The following SEPTIN11 variants were observed in gnomAD, a reference collection of about 807,000 sequenced individuals.
SEPTIN11 encodes septin 11, also known as septin-11.
A neutral mutation model predicts 51.4 loss-of-function variants in SEPTIN11; 25 were observed. The ratio of observed to expected loss-of-function variants is 0.49; its 90% CI spans 0.35 to 0.68. SEPTIN11 has a LOEUF of 0.68. SEPTIN11 is among the 30% of genes least tolerant of loss of function. SEPTIN11 has a pLI of 0.00. For missense variants in SEPTIN11, 381 were observed against 520.8 expected (o/e 0.73, Z 2.61); for synonymous variants, 174 against 184.1 (o/e 0.95, Z 0.44).
At chr4:77,034,387 A>G in intron 9 of SEPTIN11, 110 bp from the exon 10 acceptor site, 1 of 947,596 alleles carries the variant, frequency 1.1e-6, no homozygotes, top group South Asian at 2.8e-5. Context: ...TTCCATAATC[A>G]TTGCATGAGC....
At position 77,011,859 on chromosome 4, in the gene SEPTIN11, G is replaced by T; in HGVS notation, c.463G>T (p.Ala155Ser). The change falls in exon 4 of 10, where the codon GCC becomes TCC. Residue 155 changes from alanine to serine, a missense_variant. This residue lies in a region of SEPTIN11 where 184 missense variants were observed against 207.7 expected (regional missense o/e 0.89). Coordinates refer to ENST00000264893, the MANE Select transcript of SEPTIN11 (RefSeq NM_018243.4). ...GATCCATGCCTGCCTCTACTTTATT[G>T]CCCCTACTGGACATTCACTAAAGTC... ...TRIHACLYFIAPTGHSLKSLD... is the reference protein window; with the variant it reads ...TRIHACLYFISPTGHSLKSLD... 6.2e-7 allele frequency: 1 copy of T among 1,613,992 alleles called. No individual in the cohort carries two copies. The highest frequency in any genetic ancestry group is 1.6e-4 in the Middle Eastern group (1 of 6,062).
At position 76,984,699 on chromosome 4, in the gene SEPTIN11, A is replaced by G. The variant is rs1048925888; in HGVS notation, c.28-11726A>G. Among the ~76,000 whole-genome samples the G allele has an allele frequency of 9.9e-5, 15 of 152,192 alleles. No individual in the cohort carries two copies. The highest frequency in any genetic ancestry group is 3.6e-4 in the African/African-American group (15 of 41,434). ...CGTCACTGTTTTGAAGATATTCCATAGGATAAAGACAGGGCAGGAGGGACA... is the reference window on the plus strand; with the variant it reads ...CGTCACTGTTTTGAAGATATTCCATGGGATAAAGACAGGGCAGGAGGGACA... On this transcript the variant is annotated intron_variant, in intron 1 of 9. Coordinates refer to ENST00000264893, the MANE Select transcript of SEPTIN11 (RefSeq NM_018243.4). This position sits in a 1 kb window ranked among gnomAD's most constrained non-coding sequence, Gnocchi z 4.1.
At chr4:76,990,699 C>G (rs1723331359) in intron 1 of SEPTIN11, among the ~76,000 whole-genome samples, 1 of 152,220 alleles carries the variant, frequency 6.6e-6, no homozygotes, top group African/African-American at 2.4e-5. Context: ...GAAAAATGGT[C>G]TTCCACAAAC....
intron 3 of SEPTIN11, among the ~76,000 whole-genome samples, chr4:77,007,492 C>T (rs1724566078): frequency 6.6e-6 from 1 of 152,212 alleles, no homozygotes; most frequent in African/African-American, 2.4e-5. Context: ...TTTTGCCTCT[C>T]CCCTAAACTG....
chr4:77,002,303 C>T (rs918865743), intron 2 of SEPTIN11, among the ~76,000 whole-genome samples: 1 of 152,172 alleles, frequency 6.6e-6, no homozygotes, highest in Non-Finnish European at 1.5e-5. Flanking sequence ...TCCTGATTCA[C>T]ATGGGTGCTT....
chr4:77,038,748 G>C (rs1284093589), downstream of SEPTIN11: 2 of 682,906 alleles, frequency 2.9e-6, no homozygotes, highest in Admixed American at 5.1e-5. Flanking sequence ...TCAAATGGCT[G>C]CCGTCTGGGT....
chr4:77,037,180 G>A lies in SEPTIN11; in HGVS notation c.*2668G>A, dbSNP rs557211338. The A allele has an allele frequency of 2.3e-5, 15 of 660,202 alleles. No homozygotes were observed. In the East Asian group the frequency reaches 9.1e-4, roughly 40 times the overall value. The allele number at this position is 660,202 out of a possible 1,614,324, so 40.9% of individuals were successfully genotyped here. ...AGTTCAAGACCACCTTGGCGAACAC[G>A]GTGAAACCCCGTCTCTACAAAAAAT... On this transcript the variant is annotated 3_prime_UTR_variant, in exon 10 of 10. Coordinates refer to ENST00000264893, the MANE Select transcript of SEPTIN11 (RefSeq NM_018243.4).
intron 1 of SEPTIN11, among the ~76,000 whole-genome samples, chr4:76,981,969 C>A (rs6822843): frequency 0.066 from 9,981 of 152,156 alleles, 642 homozygotes; most frequent in African/African-American, 0.16. Context: ...TTCTAGATCT[C>A]TCCCCCAAGT....
intron 1 of SEPTIN11, among the ~76,000 whole-genome samples, chr4:76,979,518 C>G (rs1456979264): frequency 6.6e-6 from 1 of 152,160 alleles, no homozygotes; most frequent in Non-Finnish European, 1.5e-5. Context: ...ACTTTAGTTT[C>G]CTTCTCTGTA....
At chr4:76,978,613 C>A (rs538318285) in intron 1 of SEPTIN11, among the ~76,000 whole-genome samples, 1 of 152,288 alleles carries the variant, frequency 6.6e-6, no homozygotes, top group Non-Finnish European at 1.5e-5. Flanking sequence ...GCTTCACTGA[C>A]CTCCACCGTA....
At chr4:77,029,516 G>A (rs1050214033) in intron 8 of SEPTIN11, among the ~76,000 whole-genome samples, 18 of 151,942 alleles carry the variant, frequency 1.2e-4, no homozygotes, top group African/African-American at 4.1e-4. Context: ...AAATTTAGAG[G>A]CTATTTAAAT....
intron 1 of SEPTIN11, among the ~76,000 whole-genome samples, chr4:76,954,008 G>C (rs1188845277): frequency 6.6e-6 from 1 of 152,138 alleles, no homozygotes; most frequent in Non-Finnish European, 1.5e-5. Flanking sequence ...AATGAGTCCT[G>C]TGTGACCATT....
chr4:77,035,509 G>A lies in SEPTIN11; in HGVS notation c.*997G>A. The A allele has an allele frequency of 1.0e-6, 1 of 985,362 alleles. No individual in the cohort carries two copies. The highest frequency in any genetic ancestry group is 1.2e-6 in the Non-Finnish European group (1 of 829,912). 61.0% of individuals were successfully genotyped at this position (985,362 alleles called of 1,614,324 possible). On this transcript the variant is annotated 3_prime_UTR_variant, in exon 10 of 10. Transcript: ENST00000264893. ...TGCTATAAACTCTGTATCATTGGTAGCACAAATTTGAGCGAGGCCTTGTCA... is the reference window on the plus strand; with the variant it reads ...TGCTATAAACTCTGTATCATTGGTAACACAAATTTGAGCGAGGCCTTGTCA...
chr4:77,027,515 CT>C (rs1164424125), intron 7 of SEPTIN11, among the ~76,000 whole-genome samples: 2 of 152,194 alleles, frequency 1.3e-5, no homozygotes, highest in Admixed American at 1.3e-4. Context: ...CTCCTATCAC[CT>C]GAATTTCCTT....
At chr4:76,956,591 C>T (rs1046795292) in intron 1 of SEPTIN11, among the ~76,000 whole-genome samples, 9 of 152,234 alleles carry the variant, frequency 5.9e-5, no homozygotes, top group Non-Finnish European at 1.2e-4. Context: ...TCTATCTGGG[C>T]ATTGCCAGCC....
At chr4:77,027,732 T>C (rs963464368) in intron 7 of SEPTIN11, among the ~76,000 whole-genome samples, 7 of 152,150 alleles carry the variant, frequency 4.6e-5, no homozygotes, top group Admixed American at 3.3e-4. Context: ...TTATAAAATA[T>C]CAGCAAATGT....
At chr4:76,976,362 A>G (rs1722503941) in intron 1 of SEPTIN11, among the ~76,000 whole-genome samples, 1 of 152,080 alleles carries the variant, frequency 6.6e-6, no homozygotes, top group Admixed American at 6.6e-5. Flanking sequence ...TGATTCCCTA[A>G]TTGCTGCATG....
intron 1 of SEPTIN11, among the ~76,000 whole-genome samples, chr4:76,979,193 C>A (rs1028324924): frequency 2.8e-4 from 43 of 152,106 alleles, no homozygotes; most frequent in Admixed American, 2.8e-3. Context: ...CTTTTGGGGG[C>A]CTGACCAAGT....
At chr4:76,962,157 G>C (rs1379726232) in intron 1 of SEPTIN11, among the ~76,000 whole-genome samples, 1 of 152,144 alleles carries the variant, frequency 6.6e-6, no homozygotes, top group Non-Finnish European at 1.5e-5. Flanking sequence ...TTTAAGTTCT[G>C]TCTCCACATT....
Sources: gnomAD v4.1 joint callset for allele counts (sites outside exome capture counted in the v4.1 genomes callset) on GRCh38, gnomAD v4.1.1 for gene constraint, gnomAD v4.1.1 regional missense constraint, Gnocchi (gnomAD v3.1) non-coding constraint, MANE v1.5 for transcripts, NCBI Gene and HGNC (gene_info 2026-07-23, HGNC 2026-07-21) for gene names.